The following RAPGEF4 variants were observed in gnomAD, a reference collection of about 807,000 sequenced individuals.
The protein encoded by RAPGEF4 is Rap guanine nucleotide exchange factor 4, also known as RAP guanine-nucleotide-exchange factor (GEF) 4.
RAPGEF4 carries 66 observed loss-of-function variants against 147.9 expected under a neutral mutation model. The observed-to-expected ratio is 0.45, with a 90% CI of 0.37 to 0.55. The LOEUF (loss-of-function observed/expected upper bound fraction) is 0.55, where lower values mean the gene tolerates loss of function less well. Among genes scored for constraint, RAPGEF4 ranks in the 20% least tolerant of loss-of-function variants. RAPGEF4 has a pLI of 0.00. For missense variants in RAPGEF4, 1,071 were observed against 1,257.3 expected, an observed-to-expected ratio of 0.85 and a Z score of 2.24; for synonymous variants, 419 against 442.7, an observed-to-expected ratio of 0.95 and a Z score of 0.67.
chr2:172,901,834 G>T (rs1699085502), intron 4 of RAPGEF4, among the ~76,000 whole-genome samples: 1 of 152,170 alleles, frequency 6.6e-6, no homozygotes, highest in Non-Finnish European at 1.5e-5. Context: ...TGCACTGAGA[G>T]AAAATAGATG....
intron 1 of RAPGEF4, among the ~76,000 whole-genome samples, chr2:172,762,880 C>G (rs1696483366): frequency 1.3e-5 from 2 of 152,182 alleles, no homozygotes; most frequent in African/African-American, 4.8e-5. Context: ...GGCCTCTGCT[C>G]TGAGTGACTG....
intron 4 of RAPGEF4, chr2:172,821,817 A>G: frequency 7.3e-7 from 1 of 1,370,624 alleles, no homozygotes; most frequent in Non-Finnish European, 9.5e-7. Context: ...AACCATCAGC[A>G]CCAGTTTCCT....
chr2:173,051,649 C>CTAATAAGCTCATCTAATA lies in RAPGEF4; in HGVS notation c.2918_2919insTAATAAGCTCATCTAATA (p.Ala973_Ala974insAsnLysLeuIleTer). 6.2e-7 allele frequency: 1 copy of CTAATAAGCTCATCTAATA among 1,613,514 alleles called. No homozygotes were observed. On this transcript the variant is annotated stop_gained and inframe_insertion, in exon 31 of 31. Transcript: ENST00000397081. LOFTEE classifies it high-confidence loss of function. ...TTTCCTCTTTCAACAGATCCTGATG[C>CTAATAAGCTCATCTAATA]AGCTCAAGCTAATAAGAACCATCAG... is the stretch of plus-strand genomic sequence containing the variant.
At chr2:172,893,818 C>T (rs1208937068) in intron 4 of RAPGEF4, 1 of 152,236 alleles carries the variant, frequency 6.6e-6, no homozygotes, top group Non-Finnish European at 1.5e-5. Context: ...GATCTCCCAT[C>T]CTGCCTCAGG....
chr2:172,988,283 CT>C lies in RAPGEF4; in HGVS notation c.1227+16del, dbSNP rs764732100. 1.3e-6 allele frequency: 2 copies of C among 1,599,866 alleles called. No homozygotes were observed. The highest frequency in any genetic ancestry group is 2.3e-5 in the South Asian group (2 of 87,540). On this transcript the variant is annotated intron_variant, in intron 13 of 30. Transcript: ENST00000397081. The stretch of plus-strand genomic sequence containing the variant: ...GTCATTTACGGCAAGGTATATATAT[CT>C]TTTTCTTTTTGAAACTTTATTACGC...
At chr2:173,035,289 A>T (rs1575575201) in intron 27 of RAPGEF4, among the ~76,000 whole-genome samples, 1 of 151,954 alleles carries the variant, frequency 6.6e-6, no homozygotes, top group Non-Finnish European at 1.5e-5. Context: ...CGGGCAGATC[A>T]CGAGGTCAGG....
At chr2:172,741,774 C>G (rs1272005948) in intron 1 of RAPGEF4, among the ~76,000 whole-genome samples, 1 of 152,196 alleles carries the variant, frequency 6.6e-6, no homozygotes, top group African/African-American at 2.4e-5. Context: ...TGGGTTCAAA[C>G]GATCCTCCTG....
At chr2:172,765,733 A>G (rs1350529344) in intron 1 of RAPGEF4, among the ~76,000 whole-genome samples, 1 of 152,240 alleles carries the variant, frequency 6.6e-6, no homozygotes, top group Non-Finnish European at 1.5e-5. Flanking sequence ...AAAACCAACC[A>G]GAGAACATGG....
intron 4 of RAPGEF4, among the ~76,000 whole-genome samples, chr2:172,885,666 C>T (rs112826103): frequency 0.25 from 37,949 of 152,016 alleles, 5,096 homozygotes; most frequent in South Asian, 0.34. Flanking sequence ...ACTTATTCAC[C>T]ACCACGAGAA....
At chr2:172,995,690 A>T (rs908847877) in intron 15 of RAPGEF4, among the ~76,000 whole-genome samples, 1 of 152,184 alleles carries the variant, frequency 6.6e-6, no homozygotes, top group Non-Finnish European at 1.5e-5. Context: ...GCTCCCACAT[A>T]GTAGTGTTTT....
chr2:172,925,057 T>G (rs535313417), intron 6 of RAPGEF4, among the ~76,000 whole-genome samples: 2 of 152,360 alleles, frequency 1.3e-5, no homozygotes, highest in East Asian at 3.9e-4. Context: ...CTCAGCTCAC[T>G]GCAAGCTCCG....
intron 4 of RAPGEF4, among the ~76,000 whole-genome samples, chr2:172,886,868 G>T (rs1157653978): frequency 6.6e-6 from 1 of 152,062 alleles, no homozygotes; most frequent in Non-Finnish European, 1.5e-5. Flanking sequence ...CCACTTTTAC[G>T]TGGGAAAGCA....
chr2:172,783,294 T>C lies in RAPGEF4; in HGVS notation c.66-11731T>C, dbSNP rs141571931. On this transcript the variant is annotated intron_variant, in intron 1 of 30. Coordinates refer to ENST00000397081, the MANE Select transcript of RAPGEF4 (RefSeq NM_007023.4). ...TTTATTGCTTTGCTTAAGGGCAAAATTGTGGTCTGCAGTGACCTCCAGTCA... is the reference window on the plus strand; with the variant it reads ...TTTATTGCTTTGCTTAAGGGCAAAACTGTGGTCTGCAGTGACCTCCAGTCA... 8.3e-3 allele frequency among the ~76,000 whole-genome samples: 1,264 copies of C among 152,274 alleles called. 24 individuals are homozygous for C. Among genetic ancestry groups the C allele is most frequent in the African/African-American group, 0.029 (1,201 of 41,548 alleles).
At chr2:172,982,652 A>T (rs576363464) in intron 10 of RAPGEF4, among the ~76,000 whole-genome samples, 1 of 152,244 alleles carries the variant, frequency 6.6e-6, no homozygotes, top group East Asian at 1.9e-4. Flanking sequence ...TGTCCACAAC[A>T]CCCCCATACC....
chr2:172,857,470 C>T (rs1011421020), intron 4 of RAPGEF4, among the ~76,000 whole-genome samples: 8 of 152,160 alleles, frequency 5.3e-5, no homozygotes, highest in East Asian at 1.9e-4. Context: ...ATTTGAGACG[C>T]GAGTTTATAT....
rs1234990158 is a variant in RAPGEF4 at position 172,988,181 on chromosome 2, T to TAA, written c.1151-15_1151-14insAA. 7 of 1,590,756 alleles carry TAA rather than the reference T, an allele frequency of 4.4e-6. No homozygotes were observed. Among genetic ancestry groups the TAA allele is most frequent in the Non-Finnish European group, 4.3e-6 (5 of 1,174,312 alleles). On this transcript the variant is annotated splice_polypyrimidine_tract_variant and intron_variant, in intron 12 of 30. Coordinates refer to ENST00000397081, the MANE Select transcript of RAPGEF4 (RefSeq NM_007023.4). Reference sequence around the variant, plus strand: ...TCTATTCTTATCATAAGTCTTTTCATCTTTTTGTGTCTAGTGTTTAACCAG... The same window carrying TAA: ...TCTATTCTTATCATAAGTCTTTTCATAACTTTTTGTGTCTAGTGTTTAACCAG...
intron 27 of RAPGEF4, among the ~76,000 whole-genome samples, chr2:173,035,634 G>A (rs919796001): frequency 6.6e-6 from 1 of 152,078 alleles, no homozygotes; most frequent in African/African-American, 2.4e-5. Flanking sequence ...TTATAGGCAT[G>A]AGCCAATCAT....
At chr2:172,812,241 TAGA>T (rs1688095189) in intron 3 of RAPGEF4, among the ~76,000 whole-genome samples, 1 of 152,192 alleles carries the variant, frequency 6.6e-6, no homozygotes, top group African/African-American at 2.4e-5. Flanking sequence ...TTAATTCTGG[TAGA>T]AGAATTGATT....
chr2:173,014,734 A>G, intron 18 of RAPGEF4, 120 bp downstream of exon 18: 1 of 966,948 alleles, frequency 1.0e-6, no homozygotes, highest in Non-Finnish European at 1.4e-6. Flanking sequence ...TTGTGAACAC[A>G]TTCATTCATC....
Sources: gnomAD v4.1 joint callset for allele counts (sites outside exome capture counted in the v4.1 genomes callset) on GRCh38, gnomAD v4.1.1 for gene constraint, MANE v1.5 for transcripts, NCBI Gene and HGNC (gene_info 2026-07-23, HGNC 2026-07-21) for gene names.